Variants in WDR7 observed in about 807,000 individuals in gnomAD.
WDR7 encodes WD repeat domain 7, also known as WD repeat-containing protein 7.
Under a neutral mutation model 169.4 loss-of-function variants are expected in WDR7, and 46 were observed. That is an observed-to-expected ratio of 0.27 (90% confidence interval 0.21 to 0.35). The LOEUF (loss-of-function observed/expected upper bound fraction) is 0.35. Ranked by LOEUF, WDR7 falls within the 10% of genes least tolerant of loss-of-function variation. The pLI is 1.00. For synonymous variants in WDR7, 612 were observed against 666.8 expected (o/e 0.92, Z 1.27); for missense variants, 1,534 against 1,859.3 (o/e 0.83, Z 3.22).
In WDR7 at chr18:56,993,827, C is replaced by T. The variant is rs545148030; in HGVS notation, c.4165-26918C>T. The stretch of plus-strand genomic sequence containing the variant: ...ATCTCAGAGGATAATCTTCGGATTA[C>T]TGGATACATATTTGGCAGAAATCAA... On this transcript the variant is annotated intron_variant, in intron 26 of 27. Coordinates refer to ENST00000254442, the MANE Select transcript of WDR7 (RefSeq NM_015285.3). Among the ~76,000 whole-genome samples the T allele has an allele frequency of 5.9e-5, 9 of 152,222 alleles. No homozygotes were observed. The East Asian group carries it at 1.5e-3, about 26-fold the overall frequency.
At chr18:56,929,100 A>T (rs2046845688) in intron 22 of WDR7, among the ~76,000 whole-genome samples, 1 of 152,034 alleles carries the variant, frequency 6.6e-6, no homozygotes, top group Non-Finnish European at 1.5e-5. Context: ...TGGGCAACAT[A>T]GTGAGAACCT....
intron 21 of WDR7, among the ~76,000 whole-genome samples, chr18:56,899,486 C>A (rs987166905): frequency 6.6e-6 from 1 of 151,928 alleles, no homozygotes; most frequent in African/African-American, 2.4e-5. Flanking sequence ...TTTAAAAATT[C>A]TTATATTAAA....
At chr18:56,830,221 A>T (rs866924831) in intron 20 of WDR7, among the ~76,000 whole-genome samples, 5 of 152,098 alleles carry the variant, frequency 3.3e-5, no homozygotes, top group Non-Finnish European at 5.9e-5. Flanking sequence ...AATAATTTTG[A>T]TGTTTTGGTG....
intron 19 of WDR7, among the ~76,000 whole-genome samples, chr18:56,795,206 T>C (rs188946088): frequency 6.6e-6 from 1 of 152,342 alleles, no homozygotes; most frequent in East Asian, 1.9e-4. Flanking sequence ...GAAGCCTCTT[T>C]AGTTGACTCC....
chr18:56,910,513 T>A (rs192277168), intron 21 of WDR7, among the ~76,000 whole-genome samples: 294 of 152,336 alleles, frequency 1.9e-3, no homozygotes, highest in African/African-American at 6.5e-3. Flanking sequence ...CCTATATAGA[T>A]TTTTGTCCTG....
chr18:56,969,114 T>A (rs9958573), intron 26 of WDR7, among the ~76,000 whole-genome samples: 13,470 of 152,194 alleles, frequency 0.089, 1,872 homozygotes, highest in African/African-American at 0.3. Flanking sequence ...ATATCTTTTG[T>A]CTCAAATTCA....
intron 26 of WDR7, among the ~76,000 whole-genome samples, chr18:56,994,214 G>C (rs2047862182): frequency 6.6e-6 from 1 of 151,764 alleles, no homozygotes; most frequent in Non-Finnish European, 1.5e-5. Flanking sequence ...TGTAGAGATG[G>C]GGTTTCTCCA....
At chr18:56,794,858 CTCTT>C (rs1241243053) in intron 19 of WDR7, among the ~76,000 whole-genome samples, 2 of 152,130 alleles carry the variant, frequency 1.3e-5, no homozygotes, top group African/African-American at 4.8e-5. Context: ...TTGTCTTTAG[CTCTT>C]TCTCCTCCCG....
At chr18:56,927,747 TATTA>T (rs1302388397) in intron 22 of WDR7, among the ~76,000 whole-genome samples, 3 of 152,254 alleles carry the variant, frequency 2.0e-5, no homozygotes, top group African/African-American at 7.2e-5. Context: ...AAATTTTAAC[TATTA>T]ATTAATCAAG....
chr18:56,838,007 A>G (rs1471460371), intron 20 of WDR7, among the ~76,000 whole-genome samples: 1 of 152,212 alleles, frequency 6.6e-6, no homozygotes, highest in African/African-American at 2.4e-5. Context: ...ATGAAGGACT[A>G]GTACATTTCT....
chr18:56,771,969 G>T (rs573133002), intron 16 of WDR7, among the ~76,000 whole-genome samples: 1 of 148,920 alleles, frequency 6.7e-6, no homozygotes, highest in South Asian at 2.1e-4. Flanking sequence ...CTGAGGTTGG[G>T]AAGATGGCTT....
At chr18:56,883,555 T>C (rs1225590867) in intron 21 of WDR7, among the ~76,000 whole-genome samples, 3 of 151,974 alleles carry the variant, frequency 2.0e-5, no homozygotes, top group African/African-American at 4.8e-5. Flanking sequence ...AAGTGTTGTT[T>C]GGTTACATGA....
At chr18:56,925,957 C>T (rs967293781) in intron 22 of WDR7, among the ~76,000 whole-genome samples, 4 of 152,140 alleles carry the variant, frequency 2.6e-5, no homozygotes, top group African/African-American at 9.7e-5. Flanking sequence ...ATTAAATGAG[C>T]TTATATTTGC....
intron 22 of WDR7, among the ~76,000 whole-genome samples, chr18:56,925,210 G>A (rs1412150716): frequency 6.6e-6 from 1 of 152,132 alleles, no homozygotes; most frequent in Non-Finnish European, 1.5e-5. Context: ...TCTGCCTTTT[G>A]GCTATTGTGA....
intron 1 of WDR7, among the ~76,000 whole-genome samples, chr18:56,658,186 C>A (rs951179060): frequency 6.6e-6 from 1 of 152,008 alleles, no homozygotes; most frequent in Admixed American, 6.6e-5. Flanking sequence ...TCACTGCAAC[C>A]TCTGCCTCCC....
chr18:56,837,094 T>C (rs1373137705), intron 20 of WDR7, among the ~76,000 whole-genome samples: 1 of 152,214 alleles, frequency 6.6e-6, no homozygotes. Flanking sequence ...TTTGGGAAGG[T>C]TAATCTAAAA....
At chr18:56,673,160 GACACAC>G (rs36051303) in intron 2 of WDR7, among the ~76,000 whole-genome samples, 10 of 146,926 alleles carry the variant, frequency 6.8e-5, no homozygotes, top group African/African-American at 2.0e-4. Flanking sequence ...AGGAGCTGGG[GACACAC>G]ACACACACAC....
intron 25 of WDR7, among the ~76,000 whole-genome samples, chr18:56,959,864 A>G (rs1164630113): frequency 6.6e-6 from 1 of 152,136 alleles, no homozygotes; most frequent in East Asian, 1.9e-4. Context: ...GACAGACCCT[A>G]CATGGAGGAC....
At chr18:56,956,497 C>T (rs1195168547) in intron 25 of WDR7, among the ~76,000 whole-genome samples, 2 of 152,154 alleles carry the variant, frequency 1.3e-5, no homozygotes, top group Non-Finnish European at 1.5e-5. Context: ...ATCTTTTAGG[C>T]TGAGCTCCTC....
Sources: allele counts gnomAD v4.1 joint callset (sites outside exome capture counted in the v4.1 genomes callset), GRCh38; gene constraint gnomAD v4.1.1; transcripts MANE v1.5; gene names NCBI Gene and HGNC (gene_info 2026-07-23, HGNC 2026-07-21).